Variants in SEPTIN4 observed in about 807,000 individuals in gnomAD.
SEPTIN4 encodes septin-4.
SEPTIN4 carries 52 observed loss-of-function variants against 107.1 expected under a neutral mutation model. The observed-to-expected ratio is 0.49, with a 90% CI of 0.39 to 0.61. SEPTIN4 has a LOEUF of 0.61. SEPTIN4 is among the 20% of genes least tolerant of loss of function. SEPTIN4 has a pLI of 0.00. For synonymous variants in SEPTIN4, 417 were observed against 467.0 expected, an observed-to-expected ratio of 0.89 and a Z score of 1.38; for missense variants, 1,048 against 1,243.5, an observed-to-expected ratio of 0.84 and a Z score of 2.36.
At position 58,526,895 on chromosome 17, in the gene SEPTIN4, G is replaced by C. The variant is rs762118000; in HGVS notation, c.1698C>G (p.His566Gln). ...VKDFSGNASC[H>Q]PPEAKTWASR... Reference sequence around the variant, plus strand: ...ATGCCCAGGTCTTAGCCTCTGGTGGGTGGCAGCTCGCATTTCCTGAGAAAT... The same window carrying C: ...ATGCCCAGGTCTTAGCCTCTGGTGGCTGGCAGCTCGCATTTCCTGAGAAAT... Residue 566 changes from histidine to glutamine, a missense_variant, in exon 4 of 14, where the codon CAC becomes CAG. Transcript: ENST00000672673. The C allele has an allele frequency of 1.2e-6, 2 of 1,614,134 alleles. No individual in the cohort carries two copies. Among genetic ancestry groups the C allele is most frequent in the South Asian group, 2.2e-5 (2 of 91,078 alleles).
chr17:58,531,711 C>T, intron 3 of SEPTIN4: 1 of 222,302 alleles, frequency 4.5e-6, no homozygotes, highest in Non-Finnish European at 8.4e-6. Context: ...CCCACCCCTT[C>T]GTCCTAGAGC....
rs2144270681 is a variant in SEPTIN4, at chr17:58,542,668, T to G, written c.1519A>C (p.Thr507Pro). The G allele has an allele frequency of 1.2e-6, 2 of 1,613,872 alleles. No homozygotes were observed. Among genetic ancestry groups the G allele is most frequent in the Middle Eastern group, 3.3e-4 (2 of 6,028 alleles). Residue 507 changes from threonine to proline, a missense_variant, in exon 1 of 14, where the codon ACC (threonine) becomes CCC (proline). Physicochemically the swap from Thr to Pro is conservative, Grantham distance 38. Coordinates refer to ENST00000672673, the MANE Select transcript of SEPTIN4 (RefSeq NM_001368771.2). ...LSEVPQTPKH[T>P]CKQPIQRFTA... ...AACCTTTGAATGGGTTGTTTGCAGG[T>G]GTGCTTGGGGGTCTGTGGCACTTCA...
In SEPTIN4 at chr17:58,543,262, C is replaced by T. The variant is rs570654353; in HGVS notation, c.925G>A (p.Ala309Thr). 85 of 1,614,086 alleles carry T rather than the reference C, an allele frequency of 5.3e-5. No homozygotes were observed. The highest frequency in any genetic ancestry group is 3.4e-4 in the South Asian group (31 of 91,064). ...ACCTGTGATGATACTAAGACCTTTG[C>T]GGAGGGCTTGGTTTCAGGATAGGCA... ...YSAYPETKPS[A>T]KVLVSSQVES... The change falls in exon 1 of 14, where the codon GCA becomes ACA. Residue 309 changes from alanine to threonine, a missense_variant. Coordinates refer to ENST00000672673, the MANE Select transcript of SEPTIN4 (RefSeq NM_001368771.2).
At position 58,543,965 on chromosome 17, in the gene SEPTIN4, C is replaced by T; in HGVS notation, c.222G>A (p.Gln74=). The change falls in exon 1 of 14, where the codon CAG becomes CAA. Residue 74 remains glutamine (Q), a synonymous_variant. Coordinates refer to ENST00000672673, the MANE Select transcript of SEPTIN4 (RefSeq NM_001368771.2). ...GTACTGCATAGTGTCCAGGTCCTGACTGGAGGGAGACAGATCGAGGGTAGT... is the reference window on the plus strand; with the variant it reads ...GTACTGCATAGTGTCCAGGTCCTGATTGGAGGGAGACAGATCGAGGGTAGT... ...ASDYPRSVSL[Q]SGPGHYAVPT... 1.2e-6 allele frequency: 2 copies of T among 1,613,922 alleles called. No individual in the cohort carries two copies. Among genetic ancestry groups the T allele is most frequent in the African/African-American group, 2.7e-5 (2 of 74,990 alleles).
chr17:58,539,437 GAC>G (rs1409857444), intron 3 of SEPTIN4, among the ~76,000 whole-genome samples: 1 of 152,074 alleles, frequency 6.6e-6, no homozygotes. Flanking sequence ...GGCTAGCTAA[GAC>G]ACCACCATCC....
intron 3 of SEPTIN4, among the ~76,000 whole-genome samples, chr17:58,537,614 A>G (rs2144243065): frequency 6.6e-6 from 1 of 152,136 alleles, no homozygotes; most frequent in Non-Finnish European, 1.5e-5. Context: ...GGTGGATCAC[A>G]AGGTCAGGAG....
At chr17:58,533,717 T>C (rs1159353052) in intron 3 of SEPTIN4, among the ~76,000 whole-genome samples, 1 of 152,074 alleles carries the variant, frequency 6.6e-6, no homozygotes, top group Non-Finnish European at 1.5e-5. Context: ...GAGAAACCAA[T>C]GGCAGTTGGA....
Position 58,521,975 on chromosome 17 carries a change from G to A in SEPTIN4, c.2343C>T (p.Phe781=), listed in dbSNP as rs774761750. ...VHCCLYFISP[F]GHGLRPLDVE... The stretch of plus-strand genomic sequence containing the variant: ...TCAGGCTTGGACCATACCCATGGCC[G>A]AAGGGTGAGATGAAGTACAGGCAGC... The change falls in exon 8 of 14, where the codon TTC becomes TTT. Residue 781 remains phenylalanine, a synonymous_variant. Coordinates refer to ENST00000672673, the MANE Select transcript of SEPTIN4 (RefSeq NM_001368771.2). This position sits in a 1 kb window ranked among gnomAD's most constrained non-coding sequence, Gnocchi z 6.4. The A allele has an allele frequency of 1.5e-5, 25 of 1,614,138 alleles. No homozygotes were observed. Among genetic ancestry groups the A allele is most frequent in the Admixed American group, 8.3e-5 (5 of 60,010 alleles).
In SEPTIN4 at chr17:58,521,811, C is replaced by T. The variant is rs1310079508; in HGVS notation, c.2394G>A (p.Gln798=). Reference sequence around the variant, plus strand: ...CCAGGATAGGCACGATGTTGACCCGCTGATGCAGGGCCTTCATGAATTCAA... The same window carrying T: ...CCAGGATAGGCACGATGTTGACCCGTTGATGCAGGGCCTTCATGAATTCAA... The part of the protein sequence containing the change: ...LDVEFMKALH[Q]RVNIVPILAK... The change falls in exon 9 of 14, where the codon CAG becomes CAA. Residue 798 remains glutamine, a synonymous_variant. Transcript: ENST00000672673. The surrounding 1 kb of genome is among the most constrained non-coding windows in gnomAD (Gnocchi z 6.4). 6.2e-7 allele frequency: 1 copy of T among 1,614,108 alleles called. No homozygotes were observed. Among genetic ancestry groups the T allele is most frequent in the East Asian group, 2.2e-5 (1 of 44,892 alleles).
At chr17:58,522,226 C>T in intron 7 of SEPTIN4, 125 bp from the exon 8 acceptor site, 2 of 1,284,806 alleles carry the variant, frequency 1.6e-6, no homozygotes, top group East Asian at 4.7e-5. Context: ...CCCTGGCTTG[C>T]TTTACTAAAT....
Position 58,542,112 on chromosome 17 carries a change from G to A in SEPTIN4, c.1562-146C>T, listed in dbSNP as rs150725291. ...TGGTCCTCTCCAAGAAGCTCCTCCA[G>A]CCTAGGACTATATATCGTATTCCCA... On this transcript the variant is annotated intron_variant, in intron 1 of 13. Transcript: ENST00000672673. The A allele has an allele frequency of 5.8e-5, 49 of 842,148 alleles. No homozygotes were observed. In the Middle Eastern group the frequency reaches 1.8e-3, roughly 30 times the overall value. The allele number at this position is 842,148 out of a possible 1,614,324, so 52.2% of individuals were successfully genotyped here.
At position 58,544,156 on chromosome 17, in the gene SEPTIN4, C is replaced by T. The variant is rs772862732; in HGVS notation, c.31G>A (p.Val11Ile). The T allele has an allele frequency of 4.3e-6, 7 of 1,613,198 alleles. 1 individual carries two copies. The South Asian group carries it at 6.6e-5, about 15-fold the overall frequency. Residue 11 changes from valine to isoleucine, a missense_variant, in exon 1 of 14, where the codon GTA (valine) becomes ATA (isoleucine). Val to Ile is a conservative substitution (Grantham distance 29). This residue lies in a region of SEPTIN4 where 787 missense variants were observed against 871.8 expected (regional missense o/e 0.90). Coordinates refer to ENST00000672673, the MANE Select transcript of SEPTIN4 (RefSeq NM_001368771.2). The stretch of plus-strand genomic sequence containing the variant: ...GACCCTCTCTGTGCTGAAACCGCTA[C>T]CTTGGCCCCAGGTTTATTTGTCTTG... MVKTNKPGAKVAVSAQRGSEV... is the reference protein window; with the variant it reads MVKTNKPGAKIAVSAQRGSEV...
In SEPTIN4 at chr17:58,521,073, T is replaced by C. The variant is rs1288584455; in HGVS notation, c.2756A>G (p.Glu919Gly). The change falls in exon 12 of 14, where the codon GAG becomes GGG. Residue 919 changes from glutamate (E) to glycine (G), a missense_variant. This residue lies in a region of SEPTIN4 where 261 missense variants were observed against 371.7 expected (regional missense o/e 0.70). Transcript: ENST00000672673. The surrounding 1 kb of genome is among the most constrained non-coding windows in gnomAD (Gnocchi z 6.4). ...TGCCCGGTAGTTCTCATAATGTGTC[T>C]CCCGTGTCACATCCTTCAGGTCCTG... ...HMQDLKDVTR[E>G]THYENYRAQC... The C allele has an allele frequency of 1.9e-6, 3 of 1,614,040 alleles. No homozygotes were observed. Among genetic ancestry groups the C allele is most frequent in the African/African-American group, 1.3e-5 (1 of 74,908 alleles).
intron 3 of SEPTIN4, among the ~76,000 whole-genome samples, chr17:58,534,360 G>A (rs1441051146): frequency 6.6e-6 from 1 of 152,200 alleles, no homozygotes; most frequent in Non-Finnish European, 1.5e-5. Flanking sequence ...CTCACTGCCT[G>A]AAAGTCCCTT....
intron 13 of SEPTIN4, 28 bp downstream of exon 13, chr17:58,520,715 C>T (rs775767842): frequency 6.2e-7 from 1 of 1,611,880 alleles, no homozygotes; most frequent in Non-Finnish European, 8.5e-7. Context: ...AAACAGGAGA[C>T]CTCCCCTATA....
intron 3 of SEPTIN4, among the ~76,000 whole-genome samples, chr17:58,532,463 T>TTTCACAACAAGGATTTCACAACAAGGA (rs2043549155): frequency 6.6e-6 from 1 of 152,134 alleles, no homozygotes; most frequent in Non-Finnish European, 1.5e-5. Flanking sequence ...TCAACAAGGT[T>TTTCACAACAAGGATTTCACAACAAGGA]TTCACAAAGT....
intron 3 of SEPTIN4, among the ~76,000 whole-genome samples, 161 bp downstream of exon 3, chr17:58,540,505 G>A (rs1233368249): frequency 6.6e-6 from 1 of 152,142 alleles, no homozygotes; most frequent in Admixed American, 6.5e-5. Flanking sequence ...CCCCCCACTT[G>A]CCCCCTCTAC....
chr17:58,528,971 C>A (rs1434035238), intron 3 of SEPTIN4: 2 of 929,484 alleles, frequency 2.2e-6, no homozygotes, highest in Non-Finnish European at 3.4e-6. Context: ...GGAGTCAGGA[C>A]ACCAGGGTCC....
At chr17:58,527,089 C>T in intron 3 of SEPTIN4, 111 bp from the exon 4 acceptor site, 1 of 1,559,128 alleles carries the variant, frequency 6.4e-7, no homozygotes, top group Non-Finnish European at 8.8e-7. Context: ...AAAGGGAAAG[C>T]ACTTGTGGTT....
Sources: allele counts gnomAD v4.1 joint callset (sites outside exome capture counted in the v4.1 genomes callset), GRCh38; gene constraint gnomAD v4.1.1; regional missense constraint gnomAD v4.1.1; non-coding constraint Gnocchi (gnomAD v3.1); transcripts MANE v1.5; gene names NCBI Gene and HGNC (gene_info 2026-07-23, HGNC 2026-07-21).